Variants in LMBR1L observed in about 807,000 individuals in gnomAD.
The protein encoded by LMBR1L is protein LMBR1L.
Under a neutral mutation model 67.3 loss-of-function variants are expected in LMBR1L, and 47 were observed. The observed-to-expected ratio is 0.70, with a 90% confidence interval of 0.55 to 0.89. The LOEUF (loss-of-function observed/expected upper bound fraction) is 0.89. Among genes scored for constraint, LMBR1L ranks in the 40% least tolerant of loss-of-function variants. LMBR1L has a pLI of 0.00. For synonymous variants in LMBR1L, 247 were observed against 250.3 expected (o/e 0.99, Z 0.13); for missense variants, 533 against 599.2 (o/e 0.89, Z 1.15).
intron 15 of LMBR1L, 38 bp from the exon 16 acceptor site, chr12:49,098,143 AG>A (rs1565580881): frequency 1.9e-6 from 3 of 1,585,126 alleles, no homozygotes; most frequent in Admixed American, 3.5e-5. Flanking sequence ...TGGGCTCCCC[AG>A]GCCCTTTTCT....
At chr12:49,101,425 G>A in intron 12 of LMBR1L, 47 bp downstream of exon 12, 1 of 1,608,482 alleles carries the variant, frequency 6.2e-7, no homozygotes, top group Non-Finnish European at 8.5e-7. Flanking sequence ...CTCCCCAGCT[G>A]TTCTTAGGCC....
rs752955339 is a variant in LMBR1L, at chr12:49,097,997, C to CA, written c.1348dup (p.Cys450LeufsTer35). Reference sequence around the variant, plus strand: ...AGCTGCAGTGAAGGTCTTCACCAGACAGAGTGTGGTGAGGCCTGCAAAGGC... The same window carrying CA: ...AGCTGCAGTGAAGGTCTTCACCAGACAAGAGTGTGGTGAGGCCTGCAAAGGC... On this transcript the variant is annotated frameshift_variant, in exon 16 of 17. Coordinates refer to ENST00000267102, the MANE Select transcript of LMBR1L (RefSeq NM_018113.4). LOFTEE classifies it high-confidence loss of function. 6 of 1,614,186 alleles carry CA rather than the reference C, an allele frequency of 3.7e-6. No homozygotes were observed. The highest frequency in any genetic ancestry group is 1.1e-5 in the South Asian group (1 of 91,088).
At chr12:49,102,576 AG>A in intron 8 of LMBR1L, 36 bp from the exon 9 acceptor site, 2 of 1,599,702 alleles carry the variant, frequency 1.3e-6, no homozygotes, top group South Asian at 2.2e-5. Context: ...TAACTGTCAG[AG>A]GCTCCCTGAC....
At chr12:49,103,215 G>A (rs536638615) in intron 6 of LMBR1L, 56 bp from the exon 7 acceptor site, 3 of 1,462,038 alleles carry the variant, frequency 2.1e-6, no homozygotes, top group Non-Finnish European at 2.9e-6. Context: ...ACTGTCCCCA[G>A]GCTGACAGGC....
At chr12:49,110,040 T>C (rs984958945) in intron 1 of LMBR1L, 2 of 461,312 alleles carry the variant, frequency 4.3e-6, no homozygotes, top group Admixed American at 2.3e-5. Flanking sequence ...CTGCCATCCC[T>C]ACACCTCCCC....
intron 14 of LMBR1L, 50 bp from the exon 15 acceptor site, chr12:49,100,504 C>A (rs1425664593): frequency 1.2e-6 from 2 of 1,606,584 alleles, no homozygotes; most frequent in Admixed American, 3.3e-5. Flanking sequence ...GCTGCAGGCA[C>A]CTAGTGCCCA....
At position 49,107,031 on chromosome 12, in the gene LMBR1L, C is replaced by A; in HGVS notation, c.87G>T (p.Leu29=). 1 of 1,612,938 alleles carries A rather than the reference C, an allele frequency of 6.2e-7. No homozygotes were observed. Among genetic ancestry groups the A allele is most frequent in the Non-Finnish European group, 8.5e-7 (1 of 1,178,870 alleles). Residue 29 remains leucine (L), a synonymous_variant, in exon 2 of 17, where the codon CTG becomes CTT. Coordinates refer to ENST00000267102, the MANE Select transcript of LMBR1L (RefSeq NM_018113.4). The stretch of plus-strand genomic sequence containing the variant: ...GGCAGAGGATGTACAGTGTTGCAAA[C>A]AGAAGTGTTGATATCTGTAGCAGAA... ...RIRECIISTL[L]FATLYILCHI...
At chr12:49,105,839 C>A in intron 3 of LMBR1L, 85 bp downstream of exon 3, 1 of 1,130,248 alleles carries the variant, frequency 8.8e-7, no homozygotes, top group Non-Finnish European at 1.3e-6. Context: ...TGTGAGACTT[C>A]CCCCTTCTCC....
At chr12:49,107,128 G>A (rs781197228) in intron 1 of LMBR1L, 83 bp from the exon 2 acceptor site, 3 of 880,070 alleles carry the variant, frequency 3.4e-6, no homozygotes, top group South Asian at 1.4e-5. Context: ...TTAATTCCAG[G>A]CCATCACTTC....
At chr12:49,104,400 A>G (rs1339716620) in intron 5 of LMBR1L, 48 bp downstream of exon 5, 2 of 1,286,058 alleles carry the variant, frequency 1.6e-6, no homozygotes, top group Non-Finnish European at 2.3e-6. Flanking sequence ...CAGCTGAACC[A>G]TGTGTGTGGA....
intron 2 of LMBR1L, 135 bp downstream of exon 2, chr12:49,106,826 A>G: frequency 1.1e-6 from 1 of 873,778 alleles, no homozygotes; most frequent in Non-Finnish European, 1.9e-6. Context: ...GCAGAAAGGG[A>G]GGCTGAAGAG....
In LMBR1L at chr12:49,102,280, C is replaced by T. The variant is rs768420663; in HGVS notation, c.853+13G>A. Reference sequence around the variant, plus strand: ...GGAAACCCAGGTATCCCAAGCCCTACGAAGCCACATACCCAGCAGGACCCT... The same window carrying T: ...GGAAACCCAGGTATCCCAAGCCCTATGAAGCCACATACCCAGCAGGACCCT... On this transcript the variant is annotated intron_variant, in intron 10 of 16. Coordinates refer to ENST00000267102, the MANE Select transcript of LMBR1L (RefSeq NM_018113.4). The T allele has an allele frequency of 3.3e-5, 53 of 1,613,932 alleles. No homozygotes were observed. The highest frequency in any genetic ancestry group is 8.8e-5 in the South Asian group (8 of 91,088).
intron 15 of LMBR1L, among the ~76,000 whole-genome samples, chr12:49,099,816 G>A (rs905452254): frequency 6.6e-6 from 1 of 152,080 alleles, no homozygotes; most frequent in Non-Finnish European, 1.5e-5. Flanking sequence ...CCTGACCTCA[G>A]GTGATCCGCC....
At position 49,110,753 on chromosome 12, in the gene LMBR1L, C is replaced by T; in HGVS notation, c.-198G>A. The stretch of plus-strand genomic sequence containing the variant: ...TTAAAGGGGCAGGCACCACCCGCCT[C>T]GTTTTAAAGGGCTCTGTCCTCCCTT... On this transcript the variant is annotated 5_prime_UTR_variant, in exon 1 of 17. Coordinates refer to ENST00000267102, the MANE Select transcript of LMBR1L (RefSeq NM_018113.4). The T allele has an allele frequency of 1.7e-6, 1 of 594,932 alleles. No homozygotes were observed. The highest frequency in any genetic ancestry group is 2.0e-5 in the South Asian group (1 of 50,230). The allele number at this position is 594,932 out of a possible 1,614,324, so 36.9% of individuals were successfully genotyped here.
intron 1 of LMBR1L, among the ~76,000 whole-genome samples, chr12:49,107,584 G>C (rs1419361729): frequency 6.6e-6 from 1 of 152,178 alleles, no homozygotes; most frequent in Admixed American, 6.5e-5. Flanking sequence ...TCTATTCCAT[G>C]CTTATTCAGG....
intron 8 of LMBR1L, 90 bp from the exon 9 acceptor site, chr12:49,102,630 G>T: frequency 7.5e-7 from 1 of 1,340,006 alleles, no homozygotes; most frequent in Non-Finnish European, 1.1e-6. Context: ...GGGCTCCGTA[G>T]TCCCAGGCTT....
At chr12:49,105,785 C>T (rs143733095) in intron 3 of LMBR1L, 139 bp downstream of exon 3, 604 of 649,294 alleles carry the variant, frequency 9.3e-4, no homozygotes, top group Non-Finnish European at 1.4e-3. Flanking sequence ...GAGGTAAAGC[C>T]GGAAGCCAGA....
intron 15 of LMBR1L, 150 bp downstream of exon 15, chr12:49,100,238 G>A: frequency 1.4e-6 from 1 of 690,912 alleles, no homozygotes; most frequent in Non-Finnish European, 2.6e-6. Flanking sequence ...ACTTTACAGA[G>A]CCTTGCTTTC....
At chr12:49,108,301 C>T (rs939940994) in intron 1 of LMBR1L, among the ~76,000 whole-genome samples, 2 of 151,540 alleles carry the variant, frequency 1.3e-5, no homozygotes, top group Admixed American at 6.6e-5. Flanking sequence ...CAGTGGCTCA[C>T]GCCTATAATC....
Sources: allele counts gnomAD v4.1 joint callset (sites outside exome capture counted in the v4.1 genomes callset), GRCh38; gene constraint gnomAD v4.1.1; transcripts MANE v1.5; gene names NCBI Gene and HGNC (gene_info 2026-07-23, HGNC 2026-07-21).